Variants in CLDN10 observed in about 807,000 individuals in gnomAD.
CLDN10 encodes the protein claudin-10.
CLDN10 carries 15 observed loss-of-function variants against 22.9 expected under a neutral mutation model. The ratio of observed to expected loss-of-function variants is 0.65; its 90% CI spans 0.44 to 1.01. The LOEUF is 1.01. CLDN10 is among the 50% of genes least tolerant of loss of function. CLDN10 has a pLI of 0.00. For synonymous variants in CLDN10, 114 were observed against 111.4 expected, an observed-to-expected ratio of 1.02 and a Z score of -0.15; for missense variants, 247 against 287.8, an observed-to-expected ratio of 0.86 and a Z score of 1.03.
At chr13:95,450,759 C>G (rs1414672975) in intron 1 of CLDN10, among the ~76,000 whole-genome samples, 1 of 152,244 alleles carries the variant, frequency 6.6e-6, no homozygotes, top group Non-Finnish European at 1.5e-5. Context: ...AGGTTATCGT[C>G]TACCTGGGCT....
chr13:95,561,998 C>G (rs911343081), intron 3 of CLDN10, among the ~76,000 whole-genome samples: 1 of 150,850 alleles, frequency 6.6e-6, no homozygotes, highest in Non-Finnish European at 1.5e-5. Context: ...GGTGCGATCT[C>G]GACTCACTGC....
intron 1 of CLDN10, among the ~76,000 whole-genome samples, chr13:95,484,760 G>T (rs2042785335): frequency 6.6e-6 from 1 of 151,240 alleles, no homozygotes; most frequent in Non-Finnish European, 1.5e-5. Context: ...CAGCTACTCG[G>T]GAGGCTGAGG....
intron 3 of CLDN10, among the ~76,000 whole-genome samples, chr13:95,566,129 G>T (rs1027868410): frequency 4.6e-5 from 7 of 152,074 alleles, no homozygotes; most frequent in Non-Finnish European, 8.8e-5. Context: ...ATAATCCTTT[G>T]GGTATATACC....
chr13:95,513,400 T>G (rs1206439273), intron 1 of CLDN10, among the ~76,000 whole-genome samples: 1 of 152,180 alleles, frequency 6.6e-6, no homozygotes, highest in Non-Finnish European at 1.5e-5. Context: ...TATTTTCCAA[T>G]TAACATAATG....
At chr13:95,507,592 C>A (rs373950598) in intron 1 of CLDN10, among the ~76,000 whole-genome samples, 1 of 151,954 alleles carries the variant, frequency 6.6e-6, no homozygotes, top group Non-Finnish European at 1.5e-5. Flanking sequence ...TTCAAGACGC[C>A]CCTGGGCAAC....
chr13:95,447,220 G>A (rs1201233731), intron 1 of CLDN10, among the ~76,000 whole-genome samples: 1 of 152,174 alleles, frequency 6.6e-6, no homozygotes, highest in Non-Finnish European at 1.5e-5. Flanking sequence ...ACGGCCATAT[G>A]TTCTCCTTTA....
chr13:95,500,422 C>T (rs927385583), intron 1 of CLDN10, among the ~76,000 whole-genome samples: 2 of 152,200 alleles, frequency 1.3e-5, no homozygotes, highest in Non-Finnish European at 1.5e-5. Flanking sequence ...GCAGAGGGAA[C>T]AGCAAATGCC....
chr13:95,508,520 A>G (rs2138555115), intron 1 of CLDN10, among the ~76,000 whole-genome samples: 1 of 152,374 alleles, frequency 6.6e-6, no homozygotes, highest in African/African-American at 2.4e-5. Context: ...TACATCAAGC[A>G]TCAATTAAGT....
At position 95,496,703 on chromosome 13, in the gene CLDN10, C is replaced by A. The variant is rs995650718; in HGVS notation, c.214+62656C>A. Among the ~76,000 whole-genome samples, 5 of 152,312 alleles carry A rather than the reference C, an allele frequency of 3.3e-5. 1 individual carries two copies. The highest frequency in any genetic ancestry group is 4.4e-5 in the Non-Finnish European group (3 of 68,014). On this transcript the variant is annotated intron_variant, in intron 1 of 4. Transcript: ENST00000376873. ...TTGTCTCTTCCTCTTCTTGTAAGGG[C>A]ACTAATCCCACCACGGGGGCCCCAC...
At chr13:95,442,403 A>G (rs2042332776) in intron 1 of CLDN10, among the ~76,000 whole-genome samples, 1 of 152,190 alleles carries the variant, frequency 6.6e-6, no homozygotes, top group African/African-American at 2.4e-5. Context: ...GTGTCTTGTC[A>G]TATTTTTCAT....
intron 1 of CLDN10, among the ~76,000 whole-genome samples, chr13:95,457,361 G>C (rs999816181): frequency 1.3e-5 from 2 of 152,318 alleles, no homozygotes; most frequent in South Asian, 4.1e-4. Flanking sequence ...TGCAGAGTTT[G>C]TTTCGTATGC....
chr13:95,463,284 TA>T (rs1176963541), intron 1 of CLDN10, among the ~76,000 whole-genome samples: 5 of 32,586 alleles, frequency 1.5e-4, no homozygotes, highest in Non-Finnish European at 2.8e-4. Flanking sequence ...TGCAAATGCT[TA>T]ATATATATAT....
chr13:95,552,663 C>T (rs1429498784), upstream of CLDN10: 2 of 1,406,102 alleles, frequency 1.4e-6, no homozygotes, highest in East Asian at 2.8e-5. Context: ...TGGGCGGAGG[C>T]GGAGGCGGGA....
chr13:95,536,964 T>C (rs891487307), intron 1 of CLDN10, among the ~76,000 whole-genome samples: 28 of 152,248 alleles, frequency 1.8e-4, no homozygotes, highest in Admixed American at 4.6e-4. Flanking sequence ...TCCTGCAGCA[T>C]GTGCATGTGA....
At chr13:95,539,266 G>A (rs571061198) in intron 1 of CLDN10, among the ~76,000 whole-genome samples, 24 of 152,172 alleles carry the variant, frequency 1.6e-4, no homozygotes, top group Non-Finnish European at 3.1e-4. Flanking sequence ...TAAAAGTAGA[G>A]GGTACAAAGG....
intron 1 of CLDN10, among the ~76,000 whole-genome samples, chr13:95,500,300 A>G (rs1376407030): frequency 6.6e-6 from 1 of 152,188 alleles, no homozygotes; most frequent in African/African-American, 2.4e-5. Context: ...GGGTCTAAAT[A>G]AGAATGGGAA....
chr13:95,477,458 A>G (rs1396914314), intron 1 of CLDN10, among the ~76,000 whole-genome samples: 1 of 152,160 alleles, frequency 6.6e-6, no homozygotes, highest in African/African-American at 2.4e-5. Context: ...TTTGAAAAGC[A>G]TATCACCCGG....
At chr13:95,436,650 C>G (rs907826995) in intron 1 of CLDN10, among the ~76,000 whole-genome samples, 18 of 152,292 alleles carry the variant, frequency 1.2e-4, no homozygotes, top group Admixed American at 1.1e-3. Flanking sequence ...CTTCTTCATC[C>G]TGAGTCAAAA....
intron 1 of CLDN10, among the ~76,000 whole-genome samples, chr13:95,505,746 T>A (rs949204297): frequency 3.1e-4 from 41 of 133,280 alleles, no homozygotes; most frequent in African/African-American, 1.1e-3. Flanking sequence ...GACCCTTCCC[T>A]TTCTTTTTTT....
Sources: allele counts gnomAD v4.1 joint callset (sites outside exome capture counted in the v4.1 genomes callset), GRCh38; gene constraint gnomAD v4.1.1; transcripts MANE v1.5; gene names NCBI Gene and HGNC (gene_info 2026-07-23, HGNC 2026-07-21).